The following TNS3 variants were observed in gnomAD, a reference collection of about 807,000 sequenced individuals.
TNS3 encodes the protein tensin 3.
Under a neutral mutation model 140.9 loss-of-function variants are expected in TNS3, and 45 were observed. The observed-to-expected ratio is 0.32, with a 90% CI of 0.25 to 0.41. The LOEUF is 0.41. Among genes scored for constraint, TNS3 ranks in the 10% least tolerant of loss-of-function variants. The pLI, the probability that TNS3 is intolerant of heterozygous loss-of-function variation, is 1.00. For missense variants in TNS3, 1,716 were observed against 1,906.7 expected, an observed-to-expected ratio of 0.90 and a Z score of 1.86; for synonymous variants, 815 against 788.4, an observed-to-expected ratio of 1.03 and a Z score of -0.56.
intron 3 of TNS3, among the ~76,000 whole-genome samples, chr7:47,482,680 A>G (rs1458727870): frequency 6.6e-6 from 1 of 152,168 alleles, no homozygotes; most frequent in African/African-American, 2.4e-5. Flanking sequence ...TGTGCGAAGA[A>G]TCAGGGCCCC....
At chr7:47,357,766 G>A (rs1007449507) in intron 17 of TNS3, among the ~76,000 whole-genome samples, 1 of 152,146 alleles carries the variant, frequency 6.6e-6, no homozygotes, top group Non-Finnish European at 1.5e-5. Flanking sequence ...CGGAAGGGGG[G>A]AATCCCATTT....
intron 4 of TNS3, among the ~76,000 whole-genome samples, chr7:47,462,141 C>T (rs1386440944): frequency 4.6e-5 from 7 of 152,208 alleles, no homozygotes; most frequent in Non-Finnish European, 1.0e-4. Context: ...GTTCAATAAT[C>T]ACTTATAAAT....
At chr7:47,318,142 C>G (rs1220387317) in intron 20 of TNS3, among the ~76,000 whole-genome samples, 1 of 152,186 alleles carries the variant, frequency 6.6e-6, no homozygotes, top group Non-Finnish European at 1.5e-5. Context: ...TGTATGAATT[C>G]AATGACTCTA....
intron 5 of TNS3, 90 bp from the exon 6 acceptor site, chr7:47,439,748 A>T: frequency 7.2e-7 from 1 of 1,389,632 alleles, no homozygotes; most frequent in East Asian, 2.5e-5. Flanking sequence ...ACGGACACTC[A>T]TCCCCTGGGT....
At chr7:47,532,728 G>A (rs1450802317) in intron 1 of TNS3, among the ~76,000 whole-genome samples, 5 of 152,100 alleles carry the variant, frequency 3.3e-5, no homozygotes, top group African/African-American at 1.2e-4. Context: ...TGGCCACAGA[G>A]GTTTCCAGCC....
Position 47,368,732 on chromosome 7 carries a change from G to A in TNS3, c.1914C>T (p.Ser638=). 6.3e-7 allele frequency: 1 copy of A among 1,579,350 alleles called. No individual in the cohort carries two copies. Among genetic ancestry groups the A allele is most frequent in the Non-Finnish European group, 8.6e-7 (1 of 1,162,196 alleles). ...CACCCCTCTGGACAGCCACCCTACT[G>A]CTGGTCCCTCGGGTGGGGGTGAGTG... ...RVPLTPTRGT[S]SRVAVQRGVG... is the part of the protein sequence containing the mutation. The change falls in exon 17 of 31, where the codon AGC becomes AGT. Residue 638 remains serine, a synonymous_variant. Transcript: ENST00000311160.
At chr7:47,310,556 G>T (rs1157557463) in intron 20 of TNS3, among the ~76,000 whole-genome samples, 1 of 152,018 alleles carries the variant, frequency 6.6e-6, no homozygotes, top group Non-Finnish European at 1.5e-5. Flanking sequence ...GTAAAAAAAT[G>T]ATCATCAATG....
At chr7:47,486,000 G>C (rs962302445) in intron 3 of TNS3, among the ~76,000 whole-genome samples, 3 of 151,868 alleles carry the variant, frequency 2.0e-5, no homozygotes, top group African/African-American at 7.3e-5. Flanking sequence ...GTGTGTGAGT[G>C]TGGGTGTGTG....
At chr7:47,315,567 A>G (rs1584383045) in intron 20 of TNS3, among the ~76,000 whole-genome samples, 1 of 152,144 alleles carries the variant, frequency 6.6e-6, no homozygotes, top group South Asian at 2.1e-4. Flanking sequence ...TCATTCTCCA[A>G]CGGCCACTAT....
chr7:47,470,606 A>G (rs2964951), intron 4 of TNS3: 969,176 of 985,344 alleles, frequency 0.98, 478,083 homozygotes, highest in East Asian at 1. Context: ...CACTTTAGGA[A>G]GAGATCCCCA....
At chr7:47,520,615 G>A (rs891351929) in intron 2 of TNS3, among the ~76,000 whole-genome samples, 3 of 152,228 alleles carry the variant, frequency 2.0e-5, no homozygotes, top group Admixed American at 6.5e-5. Flanking sequence ...TCCGTGTGGA[G>A]GCGGCTGAGA....
At chr7:47,343,860 G>A (rs1031405036) in intron 20 of TNS3, among the ~76,000 whole-genome samples, 1 of 152,198 alleles carries the variant, frequency 6.6e-6, no homozygotes, top group Admixed American at 6.5e-5. Context: ...GGAATTTTAG[G>A]AGAAGGATGT....
intron 17 of TNS3, among the ~76,000 whole-genome samples, chr7:47,364,945 A>G (rs1790606827): frequency 6.6e-6 from 1 of 152,134 alleles, no homozygotes; most frequent in South Asian, 2.1e-4. Flanking sequence ...TTTAGTTCTG[A>G]AGCTATGAAA....
chr7:47,565,484 A>G (rs1036491465), intron 1 of TNS3, among the ~76,000 whole-genome samples: 8 of 151,970 alleles, frequency 5.3e-5, no homozygotes, highest in African/African-American at 1.7e-4. Flanking sequence ...CTCCTGCCTC[A>G]GCTTCCCGAG....
In TNS3 at chr7:47,276,715, A is replaced by G. The variant is rs1718933303; in HGVS notation, c.*1361T>C. ...AAAACCAGGGCATTGGAATGTTGAAATAAGCCTGAAATACACTTGATTCAG... is the reference window on the plus strand; with the variant it reads ...AAAACCAGGGCATTGGAATGTTGAAGTAAGCCTGAAATACACTTGATTCAG... On this transcript the variant is annotated 3_prime_UTR_variant, in exon 31 of 31. Coordinates refer to ENST00000311160, the MANE Select transcript of TNS3 (RefSeq NM_022748.12). 1.3e-5 allele frequency: 2 copies of G among 152,210 alleles called. No homozygotes were observed. Among genetic ancestry groups the G allele is most frequent in the African/African-American group, 4.8e-5 (2 of 41,442 alleles). The allele number at this position is 152,210 out of a possible 1,614,324, so 9.4% of individuals were successfully genotyped here.
chr7:47,456,752 GAC>G (rs961810508), intron 4 of TNS3, among the ~76,000 whole-genome samples: 1 of 151,988 alleles, frequency 6.6e-6, no homozygotes, highest in African/African-American at 2.4e-5. Flanking sequence ...CAGCCCACGA[GAC>G]ATTCGCTGCC....
intron 9 of TNS3, among the ~76,000 whole-genome samples, chr7:47,425,819 T>C (rs1305091976): frequency 6.6e-6 from 1 of 152,248 alleles, no homozygotes; most frequent in Non-Finnish European, 1.5e-5. Context: ...TGTTCTTCTC[T>C]GGTGACTTGA....
chr7:47,345,668 C>T (rs1025630161), intron 18 of TNS3, among the ~76,000 whole-genome samples: 2 of 152,142 alleles, frequency 1.3e-5, no homozygotes, highest in Non-Finnish European at 2.9e-5. Context: ...CTTGGAAGAG[C>T]AAGAAGCTCT....
intron 13 of TNS3, among the ~76,000 whole-genome samples, chr7:47,410,589 T>A (rs1307141128): frequency 6.6e-5 from 10 of 152,222 alleles, no homozygotes; most frequent in Non-Finnish European, 1.5e-5. Flanking sequence ...CTGATTTGAT[T>A]TTTGTAAGAA....
Sources: gnomAD v4.1 joint callset for allele counts (sites outside exome capture counted in the v4.1 genomes callset) on GRCh38, gnomAD v4.1.1 for gene constraint, MANE v1.5 for transcripts, NCBI Gene and HGNC (gene_info 2026-07-23, HGNC 2026-07-21) for gene names.